NDUFAF2: variants seen among roughly 807,000 people sequenced by gnomAD.
The protein encoded by NDUFAF2 is NADH:ubiquinone oxidoreductase complex assembly factor 2.
Under a neutral mutation model 22.8 loss-of-function variants are expected in NDUFAF2, and 13 were observed. That is an observed-to-expected ratio of 0.57 (90% CI 0.37 to 0.91). The LOEUF (loss-of-function observed/expected upper bound fraction) is 0.91, where lower values mean the gene tolerates loss of function less well. Ranked by LOEUF, NDUFAF2 falls within the 40% of genes least tolerant of loss-of-function variation. NDUFAF2 has a pLI of 0.01. For synonymous variants in NDUFAF2, 53 were observed against 64.2 expected (o/e 0.83, Z 0.84); for missense variants, 162 against 195.2 (o/e 0.83, Z 1.01).
intron 3 of NDUFAF2, among the ~76,000 whole-genome samples, chr5:61,141,759 C>A (rs1026121571): frequency 6.6e-6 from 1 of 152,150 alleles, no homozygotes; most frequent in African/African-American, 2.4e-5. Flanking sequence ...GCAACAAGTC[C>A]TAGAGGGTGC....
At chr5:61,090,998 G>A (rs748349371) in intron 2 of NDUFAF2, among the ~76,000 whole-genome samples, 2 of 152,092 alleles carry the variant, frequency 1.3e-5, no homozygotes, top group Non-Finnish European at 2.9e-5. Context: ...CTCCATCCAT[G>A]TCCCTACAAA....
chr5:61,062,360 T>C (rs1033324679), intron 1 of NDUFAF2, among the ~76,000 whole-genome samples: 2 of 152,108 alleles, frequency 1.3e-5, no homozygotes, highest in South Asian at 2.1e-4. Flanking sequence ...TAGATAGATA[T>C]CATAAAAATG....
At chr5:61,052,136 C>G (rs1006553915) in intron 1 of NDUFAF2, among the ~76,000 whole-genome samples, 21 of 148,134 alleles carry the variant, frequency 1.4e-4, no homozygotes, top group Non-Finnish European at 2.6e-4. Flanking sequence ...TGGTCATACC[C>G]CTAAGCTTCT....
At chr5:60,975,230 T>C (rs1047322971) in intron 1 of NDUFAF2, among the ~76,000 whole-genome samples, 1 of 152,170 alleles carries the variant, frequency 6.6e-6, no homozygotes, top group Non-Finnish European at 1.5e-5. Flanking sequence ...GATATTGTGT[T>C]ACGACACTCC....
intron 3 of NDUFAF2, among the ~76,000 whole-genome samples, chr5:61,137,956 G>A (rs368533674): frequency 6.6e-6 from 1 of 152,210 alleles, no homozygotes; most frequent in East Asian, 1.9e-4. Context: ...GGCCTTTATG[G>A]CCCTGCCTGC....
chr5:61,116,779 A>G (rs1752917968), intron 3 of NDUFAF2: 1 of 152,190 alleles, frequency 6.6e-6, no homozygotes, highest in African/African-American at 2.4e-5. Flanking sequence ...CAAGAAATAA[A>G]ACTGCAGCAT....
intron 3 of NDUFAF2, among the ~76,000 whole-genome samples, chr5:61,141,222 C>T (rs1310999309): frequency 1.9e-4 from 20 of 108,072 alleles, no homozygotes; most frequent in Admixed American, 5.4e-4. Context: ...AGCGAAACTC[C>T]GTCTCAAAAA....
intron 2 of NDUFAF2, among the ~76,000 whole-genome samples, chr5:61,094,298 A>T (rs1752608038): frequency 6.6e-6 from 1 of 152,120 alleles, no homozygotes. Context: ...TTGTGATTGC[A>T]TTATGAAATT....
intron 1 of NDUFAF2, among the ~76,000 whole-genome samples, chr5:60,960,796 C>T (rs551710042): frequency 5.3e-5 from 8 of 151,842 alleles, no homozygotes; most frequent in African/African-American, 9.7e-5. Flanking sequence ...TCTTTATTTC[C>T]GTTTAGGTGA....
chr5:61,093,131 T>TC (rs1752591615), intron 2 of NDUFAF2, among the ~76,000 whole-genome samples: 1 of 152,216 alleles, frequency 6.6e-6, no homozygotes, highest in Non-Finnish European at 1.5e-5. Flanking sequence ...TCCAGAAGGC[T>TC]CAGCAAGTCT....
chr5:61,120,463 T>G (rs1752962116), intron 3 of NDUFAF2, among the ~76,000 whole-genome samples: 1 of 152,150 alleles, frequency 6.6e-6, no homozygotes, highest in South Asian at 2.1e-4. Context: ...CCCACCTTTC[T>G]CAGTCTAAAA....
At position 61,065,931 on chromosome 5, in the gene NDUFAF2, A is replaced by G. The variant is rs561945293; in HGVS notation, c.128-7194A>G. ...CTATCTGTAGAAAACATGATCCTAT[A>G]TATAAAAAAAATTTTAAGATTTTAG... On this transcript the variant is annotated intron_variant, in intron 1 of 3. Coordinates refer to ENST00000296597, the MANE Select transcript of NDUFAF2 (RefSeq NM_174889.5). 4.6e-5 allele frequency among the ~76,000 whole-genome samples: 7 copies of G among 152,118 alleles called. No individual in the cohort carries two copies. The South Asian group carries it at 8.3e-4, about 18-fold the overall frequency.
At chr5:61,075,932 C>G (rs941032937) in intron 2 of NDUFAF2, among the ~76,000 whole-genome samples, 1 of 152,070 alleles carries the variant, frequency 6.6e-6, no homozygotes, top group Non-Finnish European at 1.5e-5. Flanking sequence ...CTATTAAGGA[C>G]CTCTACATTC....
chr5:60,987,934 G>T (rs1408090730), intron 1 of NDUFAF2, among the ~76,000 whole-genome samples: 1 of 152,024 alleles, frequency 6.6e-6, no homozygotes, highest in Non-Finnish European at 1.5e-5. Context: ...GGGCAATCAG[G>T]CAAGAAAAAG....
At chr5:61,140,453 CAT>C (rs1374410492) in intron 3 of NDUFAF2, among the ~76,000 whole-genome samples, 11 of 152,150 alleles carry the variant, frequency 7.2e-5, no homozygotes. Flanking sequence ...ATGGGATAAA[CAT>C]ATAAGTCTCC....
At chr5:60,962,075 G>A (rs78067921) in intron 1 of NDUFAF2, among the ~76,000 whole-genome samples, 3,054 of 151,400 alleles carry the variant, frequency 0.02, 133 homozygotes, top group African/African-American at 0.07. Context: ...GAGTATGCTT[G>A]AACACCATAA....
intron 1 of NDUFAF2, among the ~76,000 whole-genome samples, chr5:60,984,952 T>C (rs1751050865): frequency 6.6e-6 from 1 of 152,202 alleles, no homozygotes; most frequent in African/African-American, 2.4e-5. Context: ...TTGATTGGAA[T>C]AGTTTCAGAG....
chr5:61,031,006 A>T (rs16878527), intron 1 of NDUFAF2, among the ~76,000 whole-genome samples: 2,194 of 152,072 alleles, frequency 0.014, 66 homozygotes, highest in African/African-American at 0.05. Flanking sequence ...TATCACCAGC[A>T]TCTCTTCTGG....
chr5:61,095,094 G>A (rs1407808402), intron 2 of NDUFAF2, among the ~76,000 whole-genome samples: 1 of 152,172 alleles, frequency 6.6e-6, no homozygotes, highest in African/African-American at 2.4e-5. Context: ...AAAGATGGCG[G>A]CCTAACTCTC....
Sources: allele counts gnomAD v4.1 joint callset (sites outside exome capture counted in the v4.1 genomes callset), GRCh38; gene constraint gnomAD v4.1.1; transcripts MANE v1.5; gene names NCBI Gene and HGNC (gene_info 2026-07-23, HGNC 2026-07-21).